A1CF: variants seen among roughly 807,000 people sequenced by gnomAD.
The protein encoded by A1CF is APOBEC1 complementation factor.
In A1CF, 48 loss-of-function variants were observed where a neutral mutation model predicts 68.9. The observed-to-expected ratio is 0.70, with a 90% CI of 0.55 to 0.89. The LOEUF (loss-of-function observed/expected upper bound fraction) is 0.89. Ranked by LOEUF, A1CF falls within the 40% of genes least tolerant of loss-of-function variation. The pLI is 0.00. For synonymous variants in A1CF, 272 were observed against 260.4 expected (o/e 1.04, Z -0.43); for missense variants, 653 against 718.9 (o/e 0.91, Z 1.05).
intron 5 of A1CF, among the ~76,000 whole-genome samples, chr10:50,841,508 T>C (rs536623319): frequency 2.9e-4 from 44 of 152,306 alleles, no homozygotes; most frequent in African/African-American, 9.9e-4. Context: ...ATCCCATCCC[T>C]GGTTTGATTT....
chr10:50,865,599 C>T (rs972995143), intron 1 of A1CF, among the ~76,000 whole-genome samples: 1 of 152,178 alleles, frequency 6.6e-6, no homozygotes, highest in Non-Finnish European at 1.5e-5. Context: ...CCCTAGACTC[C>T]CCTTCCAGTG....
At chr10:50,874,385 T>C (rs1297892471) in intron 1 of A1CF, among the ~76,000 whole-genome samples, 1 of 152,204 alleles carries the variant, frequency 6.6e-6, no homozygotes, top group East Asian at 1.9e-4. Context: ...AAAGGTACAT[T>C]TTATCTGTTT....
rs764700910 is a variant in A1CF at position 50,844,071 on chromosome 10, G to T, written c.151C>A (p.Pro51Thr). 15 of 1,613,250 alleles carry T rather than the reference G, an allele frequency of 9.3e-6. No individual in the cohort carries two copies. In the East Asian group the frequency reaches 2.7e-4, roughly 29 times the overall value. ...GGPPPGWDAA[P>T]PERGCEIFIG... ...AAAATTTCACAGCCCCTTTCAGGGG[G>T]TGCAGCATCCCAACCAGGTGGAGGG... The change falls in exon 4 of 13, where the codon CCC becomes ACC. Residue 51 changes from proline (P) to threonine (T), a missense_variant. Coordinates refer to ENST00000373997, the MANE Select transcript of A1CF (RefSeq NM_014576.4).
chr10:50,869,845 A>G (rs1841166120), intron 1 of A1CF, among the ~76,000 whole-genome samples: 2 of 151,888 alleles, frequency 1.3e-5, no homozygotes, highest in South Asian at 4.1e-4. Context: ...TGGATTAACA[A>G]ATTATTTTTG....
intron 4 of A1CF, 93 bp downstream of exon 4, chr10:50,843,895 C>T: frequency 6.8e-7 from 1 of 1,479,002 alleles, no homozygotes; most frequent in Non-Finnish European, 9.3e-7. Context: ...GAAACAGCCA[C>T]TGACCAAGAA....
rs1042219147 is a variant in A1CF at position 50,843,401 on chromosome 10, A to G, written c.234+587T>C. On this transcript the variant is annotated intron_variant, in intron 4 of 12. Coordinates refer to ENST00000373997, the MANE Select transcript of A1CF (RefSeq NM_014576.4). ...GGCAGAGAGCTAAATTCTTATATTT[A>G]CTAAATTTTTCAGGAATGTGCTTGT... is the stretch of plus-strand genomic sequence containing the variant. Among the ~76,000 whole-genome samples, 5 of 152,204 alleles carry G rather than the reference A, an allele frequency of 3.3e-5. No individual in the cohort carries two copies. In the South Asian group the frequency reaches 8.3e-4, roughly 25 times the overall value.
intron 3 of A1CF, chr10:50,850,817 A>G: frequency 6.2e-7 from 1 of 1,604,998 alleles, no homozygotes; most frequent in Non-Finnish European, 8.5e-7. Context: ...CCTTTCAAGA[A>G]GTAATTAGGT....
At chr10:50,850,853 G>A (rs977106925) in intron 3 of A1CF, 23 of 1,548,162 alleles carry the variant, frequency 1.5e-5, no homozygotes, top group Admixed American at 2.0e-5. Context: ...TCCTTAATCC[G>A]TTTGGAGCTT....
intron 3 of A1CF, among the ~76,000 whole-genome samples, chr10:50,846,331 CG>C (rs1840000137): frequency 6.6e-6 from 1 of 152,080 alleles, no homozygotes; most frequent in African/African-American, 2.4e-5. Context: ...AAATTAAAAA[CG>C]TCTGAAATCC....
chr10:50,817,759 A>T (rs867401763), intron 8 of A1CF, among the ~76,000 whole-genome samples: 17 of 152,176 alleles, frequency 1.1e-4, no homozygotes, highest in African/African-American at 4.1e-4. Context: ...GCAAATTCAG[A>T]TATCTTGTAA....
Position 50,809,321 on chromosome 10 carries a change from C to G in A1CF, c.1609+573G>C, listed in dbSNP as rs1017100424. On this transcript the variant is annotated intron_variant, in intron 12 of 12. Transcript: ENST00000373997. ...TCTCTCACTCTCACAAAATTTTTGA[C>G]TTTAAAAAATCTTTTTTGAAATCAA... 4.6e-5 allele frequency among the ~76,000 whole-genome samples: 7 copies of G among 152,260 alleles called. No homozygotes were observed. The East Asian group carries it at 1.4e-3, about 29-fold the overall frequency.
At chr10:50,829,240 T>C (rs1397401660) in intron 6 of A1CF, among the ~76,000 whole-genome samples, 1 of 152,106 alleles carries the variant, frequency 6.6e-6, no homozygotes, top group Non-Finnish European at 1.5e-5. Flanking sequence ...TTTTGTTTTG[T>C]TTTTTGGTGA....
At chr10:50,859,508 AGTT>A (rs1840642108) in intron 3 of A1CF, among the ~76,000 whole-genome samples, 1 of 152,154 alleles carries the variant, frequency 6.6e-6, no homozygotes, top group African/African-American at 2.4e-5. Flanking sequence ...TTCCTGCTGT[AGTT>A]TATTTTCTGC....
At chr10:50,850,110 G>A (rs1481489676) in intron 3 of A1CF, among the ~76,000 whole-genome samples, 1 of 152,042 alleles carries the variant, frequency 6.6e-6, no homozygotes, top group East Asian at 1.9e-4. Flanking sequence ...TTCATTTATT[G>A]GTTTCACTTT....
At chr10:50,811,235 G>A in intron 10 of A1CF, 59 bp from the exon 11 acceptor site, 1 of 1,519,836 alleles carries the variant, frequency 6.6e-7, no homozygotes, top group African/African-American at 1.4e-5. Context: ...TATTTCCCAA[G>A]TTTTCAGGTT....
intron 1 of A1CF, among the ~76,000 whole-genome samples, chr10:50,885,337 C>T (rs949106323): frequency 1.3e-5 from 2 of 152,158 alleles, no homozygotes; most frequent in South Asian, 2.1e-4. Context: ...TTGAACCCTC[C>T]GTGGTAAGTC....
intron 12 of A1CF, 152 bp from the exon 13 acceptor site, chr10:50,807,032 A>G (rs1837865750): frequency 1.3e-6 from 1 of 741,910 alleles, no homozygotes; most frequent in Admixed American, 3.1e-5. Flanking sequence ...TAAGGACACA[A>G]TATGTGGACT....
chr10:50,854,621 T>C (rs1378141566), intron 3 of A1CF, among the ~76,000 whole-genome samples: 1 of 152,004 alleles, frequency 6.6e-6, no homozygotes, highest in East Asian at 1.9e-4. Flanking sequence ...TGAGGCTGCC[T>C]TATGTTGTTG....
intron 12 of A1CF, among the ~76,000 whole-genome samples, chr10:50,807,330 C>T (rs1483006574): frequency 6.6e-6 from 1 of 152,088 alleles, no homozygotes; most frequent in Non-Finnish European, 1.5e-5. Flanking sequence ...CCACACCTGC[C>T]TAAATGAAAC....
Sources: allele counts gnomAD v4.1 joint callset (sites outside exome capture counted in the v4.1 genomes callset), GRCh38; gene constraint gnomAD v4.1.1; transcripts MANE v1.5; gene names NCBI Gene and HGNC (gene_info 2026-07-23, HGNC 2026-07-21).